SYNE1: variants seen among roughly 807,000 people sequenced by gnomAD.
SYNE1 encodes the protein nesprin-1.
SYNE1 carries 616 observed loss-of-function variants against 1,111.0 expected under a neutral mutation model. The observed-to-expected ratio is 0.55, with a 90% CI of 0.52 to 0.59. The LOEUF (loss-of-function observed/expected upper bound fraction) is 0.59. Ranked by LOEUF, SYNE1 falls within the 20% of genes least tolerant of loss-of-function variation. The pLI is 0.00. For missense variants in SYNE1, 10,006 were observed against 10,417.0 expected (o/e 0.96, Z 1.72); for synonymous variants, 3,855 against 3,825.8 (o/e 1.01, Z -0.28).
intron 16 of SYNE1, among the ~76,000 whole-genome samples, chr6:152,470,399 G>C (rs765461652): frequency 2.6e-5 from 4 of 152,086 alleles, no homozygotes; most frequent in Non-Finnish European, 4.4e-5. Flanking sequence ...ATGCATATTT[G>C]TATTTCATAT....
Position 152,201,969 on chromosome 6 carries a change from A to G in SYNE1, c.23020-20T>C. The G allele has an allele frequency of 6.2e-7, 1 of 1,613,604 alleles. No individual in the cohort carries two copies. ...CCAGTCCTATCATGGGAATAAAAAC[A>G]AATAGCATAGATGTTTTTGATGTAG... On this transcript the variant is annotated intron_variant, in intron 126 of 145. Coordinates refer to ENST00000367255, the MANE Select transcript of SYNE1 (RefSeq NM_182961.4).
At chr6:152,194,711 T>C (rs1459757446) in intron 127 of SYNE1, among the ~76,000 whole-genome samples, 1 of 152,140 alleles carries the variant, frequency 6.6e-6, no homozygotes, top group Non-Finnish European at 1.5e-5. Context: ...TCTTCATTTG[T>C]CTCCTCTGAC....
Position 152,193,062 on chromosome 6 carries a change from G to A in SYNE1, c.23146-3655C>T, listed in dbSNP as rs539047711. Among the ~76,000 whole-genome samples the A allele has an allele frequency of 5.3e-5, 8 of 152,110 alleles. No individual in the cohort carries two copies. In the South Asian group the frequency reaches 1.5e-3, roughly 28 times the overall value. On this transcript the variant is annotated intron_variant, in intron 127 of 145. Transcript: ENST00000367255. ...TGAGTTTAGTTCATTTATATTAAAT[G>A]TTGTTATTGATAAGTAAGGACTTAA...
Position 152,419,569 on chromosome 6 carries a change from C to T in SYNE1, c.5421G>A (p.Lys1807=). Residue 1807 remains lysine, a splice_region_variant and synonymous_variant, in exon 40 of 146, where the codon AAG becomes AAA. Transcript: ENST00000367255. ...MDHQVALTRH[K]DHAAEVESKK... Reference sequence around the variant, plus strand: ...CTTAAAAAAAAAAAAACCACTTTACCTTATGCCGAGTAAGGGCTACTTGAT... The same window carrying T: ...CTTAAAAAAAAAAAAACCACTTTACTTTATGCCGAGTAAGGGCTACTTGAT... 3 of 1,612,110 alleles carry T rather than the reference C, an allele frequency of 1.9e-6. No individual in the cohort carries two copies. Among genetic ancestry groups the T allele is most frequent in the Non-Finnish European group, 2.5e-6 (3 of 1,179,450 alleles).
chr6:152,413,224 T>C lies in SYNE1; in HGVS notation c.6230+128A>G. On this transcript the variant is annotated intron_variant, in intron 42 of 145. Transcript: ENST00000367255. Reference sequence around the variant, plus strand: ...AAGTAAATTTTCAATGTTATGAAAGTGACACAGAATATCTAAAATGGTAAA... The same window carrying C: ...AAGTAAATTTTCAATGTTATGAAAGCGACACAGAATATCTAAAATGGTAAA... The C allele has an allele frequency of 2.8e-6, 3 of 1,078,338 alleles. 1 individual carries two copies. In the South Asian group the frequency reaches 3.9e-5, roughly 14 times the overall value. The allele number at this position is 1,078,338 out of a possible 1,614,324, so 66.8% of individuals were successfully genotyped here. A position where few individuals can be genotyped will look rare whatever the true frequency, so the allele number is the denominator to read the frequency against.
At chr6:152,369,236 C>G in intron 60 of SYNE1, 109 bp from the exon 61 acceptor site, 1 of 1,458,632 alleles carries the variant, frequency 6.9e-7, no homozygotes, top group Non-Finnish European at 9.3e-7. Context: ...GTCCGTGTAC[C>G]CTGGAGGCTT....
chr6:152,389,169 G>A (rs1255632575), intron 53 of SYNE1, among the ~76,000 whole-genome samples: 1 of 152,072 alleles, frequency 6.6e-6, no homozygotes, highest in Non-Finnish European at 1.5e-5. Context: ...TTTTTGTTTT[G>A]CTTTGTAATG....
intron 11 of SYNE1, among the ~76,000 whole-genome samples, chr6:152,495,662 G>A (rs2098995367): frequency 1.3e-5 from 2 of 151,822 alleles, no homozygotes; most frequent in Admixed American, 6.6e-5. Flanking sequence ...TCATTCCAAT[G>A]ACCTGCTGTC....
At chr6:152,464,450 G>T (rs1333260918) in intron 18 of SYNE1, among the ~76,000 whole-genome samples, 1 of 152,138 alleles carries the variant, frequency 6.6e-6, no homozygotes, top group African/African-American at 2.4e-5. Flanking sequence ...GCCAAAATCT[G>T]TATGGGTACA....
intron 91 of SYNE1, among the ~76,000 whole-genome samples, chr6:152,305,197 T>C (rs2095333111): frequency 6.6e-6 from 1 of 152,202 alleles, no homozygotes; most frequent in Admixed American, 6.5e-5. Context: ...GAGGTGTGAG[T>C]ATCCTCTCCT....
chr6:152,131,173 G>A (rs891888794), intron 144 of SYNE1, among the ~76,000 whole-genome samples: 1 of 151,150 alleles, frequency 6.6e-6, no homozygotes, highest in Non-Finnish European at 1.5e-5. Flanking sequence ...AAAATTCTTG[G>A]CCCATAAGAA....
intron 6 of SYNE1, among the ~76,000 whole-genome samples, chr6:152,516,104 G>A (rs558270985): frequency 1.3e-5 from 2 of 152,254 alleles, no homozygotes; most frequent in South Asian, 4.1e-4. Flanking sequence ...TCAATGCTAA[G>A]ATAATAAGTG....
At chr6:152,193,029 A>G (rs2763017) in intron 127 of SYNE1, among the ~76,000 whole-genome samples, 7,096 of 152,086 alleles carry the variant, frequency 0.047, 307 homozygotes, top group African/African-American at 0.12. Flanking sequence ...TAGTCACTCA[A>G]TGTCTTCTGA....
At chr6:152,278,647 GAGACGGGGTTTC>G (rs2093809413) in intron 97 of SYNE1, among the ~76,000 whole-genome samples, 1 of 152,092 alleles carries the variant, frequency 6.6e-6, no homozygotes, top group Non-Finnish European at 1.5e-5. Flanking sequence ...TTTTTTAGTA[GAGACGGGGTTTC>G]ACCGTGTTAG....
intron 3 of SYNE1, among the ~76,000 whole-genome samples, chr6:152,555,935 G>C (rs2099363685): frequency 6.6e-6 from 1 of 152,160 alleles, no homozygotes; most frequent in African/African-American, 2.4e-5. Flanking sequence ...AAATGGTTCA[G>C]CTACCTATGT....
At chr6:152,426,039 G>A (rs1052757172) in intron 38 of SYNE1, among the ~76,000 whole-genome samples, 16 of 152,158 alleles carry the variant, frequency 1.1e-4, no homozygotes, top group African/African-American at 3.9e-4. Context: ...CCAAACTGGA[G>A]AACTTAAGGG....
chr6:152,558,653 G>A (rs1238440934), intron 3 of SYNE1, among the ~76,000 whole-genome samples: 2 of 152,122 alleles, frequency 1.3e-5, no homozygotes, highest in Non-Finnish European at 2.9e-5. Flanking sequence ...AATAATGTAA[G>A]TATATATTTA....
chr6:152,224,668 T>C lies in SYNE1; in HGVS notation c.21352-4A>G. Reference sequence around the variant, plus strand: ...GCAGTATCTTTAATTGTCCAACCTTTTGAAAAAGACAAATATGGCTTATAA... The same window carrying C: ...GCAGTATCTTTAATTGTCCAACCTTCTGAAAAAGACAAATATGGCTTATAA... On this transcript the variant is annotated splice_polypyrimidine_tract_variant and splice_region_variant and intron_variant, in intron 116 of 145. Coordinates refer to ENST00000367255, the MANE Select transcript of SYNE1 (RefSeq NM_182961.4). 6.2e-7 allele frequency: 1 copy of C among 1,613,478 alleles called. No homozygotes were observed. The highest frequency in any genetic ancestry group is 8.5e-7 in the Non-Finnish European group (1 of 1,179,680).
At chr6:152,389,451 C>T (rs958304554) in intron 53 of SYNE1, among the ~76,000 whole-genome samples, 3 of 152,144 alleles carry the variant, frequency 2.0e-5, no homozygotes, top group Non-Finnish European at 4.4e-5. Context: ...TCACATTGGG[C>T]ACCCAGTGTG....
Sources: allele counts gnomAD v4.1 joint callset (sites outside exome capture counted in the v4.1 genomes callset), GRCh38; gene constraint gnomAD v4.1.1; transcripts MANE v1.5; gene names NCBI Gene and HGNC (gene_info 2026-07-23, HGNC 2026-07-21).